The following FBXL17 variants were observed in gnomAD, a reference collection of about 807,000 sequenced individuals.
FBXL17 encodes the protein F-box/LRR-repeat protein 17.
FBXL17 carries 22 observed loss-of-function variants against 66.2 expected under a neutral mutation model. The ratio of observed to expected loss-of-function variants is 0.33; its 90% confidence interval spans 0.24 to 0.47. The LOEUF is 0.47. Among genes scored for constraint, FBXL17 ranks in the 20% least tolerant of loss-of-function variants. The pLI, the probability that FBXL17 is intolerant of heterozygous loss-of-function variation, is 1.00. For synonymous variants in FBXL17, 474 were observed against 400.5 expected (o/e 1.18, Z -2.19); for missense variants, 878 against 948.2 (o/e 0.93, Z 0.97).
At chr5:108,219,473 G>A (rs567221157) in intron 5 of FBXL17, among the ~76,000 whole-genome samples, 3 of 152,222 alleles carry the variant, frequency 2.0e-5, no homozygotes, top group African/African-American at 7.2e-5. Context: ...ATCACCTGAG[G>A]TCAGGAGTTC....
intron 4 of FBXL17, among the ~76,000 whole-genome samples, chr5:108,275,717 A>C (rs914879900): frequency 6.6e-6 from 1 of 152,212 alleles, no homozygotes; most frequent in African/African-American, 2.4e-5. Flanking sequence ...GAGAGACTTA[A>C]GTCTCTTGAC....
chr5:108,082,308 G>T (rs769417418), intron 6 of FBXL17, among the ~76,000 whole-genome samples: 1 of 152,058 alleles, frequency 6.6e-6, no homozygotes, highest in Non-Finnish European at 1.5e-5. Flanking sequence ...ATCTCAGCTA[G>T]ATCACTTCCT....
chr5:108,165,740 G>A (rs781573892), intron 6 of FBXL17, among the ~76,000 whole-genome samples: 3 of 152,140 alleles, frequency 2.0e-5, no homozygotes, highest in African/African-American at 7.2e-5. Context: ...ACAATTCTGA[G>A]TGTCTGTGGT....
At chr5:108,030,680 A>G (rs1203410047) in intron 6 of FBXL17, among the ~76,000 whole-genome samples, 2 of 152,136 alleles carry the variant, frequency 1.3e-5, no homozygotes, top group African/African-American at 4.8e-5. Flanking sequence ...CACTCCTTTC[A>G]AGTACCCAAC....
At chr5:107,956,702 G>A (rs189456102) in intron 7 of FBXL17, among the ~76,000 whole-genome samples, 28 of 152,230 alleles carry the variant, frequency 1.8e-4, no homozygotes, top group Non-Finnish European at 3.1e-4. Context: ...CTGGTCCACA[G>A]AATGTACCTC....
intron 6 of FBXL17, among the ~76,000 whole-genome samples, chr5:108,075,974 A>C (rs1186513015): frequency 6.6e-6 from 1 of 152,240 alleles, no homozygotes; most frequent in African/African-American, 2.4e-5. Context: ...AATGATCCCA[A>C]ATGTTTTTCA....
At chr5:108,061,708 T>C (rs1747931185) in intron 6 of FBXL17, among the ~76,000 whole-genome samples, 1 of 152,184 alleles carries the variant, frequency 6.6e-6, no homozygotes, top group African/African-American at 2.4e-5. Flanking sequence ...CTATTTCTAC[T>C]CTCCACAATT....
intron 1 of FBXL17, among the ~76,000 whole-genome samples, chr5:108,372,548 A>G (rs1473992457): frequency 2.0e-5 from 3 of 152,206 alleles, no homozygotes; most frequent in Admixed American, 1.3e-4. Context: ...AACTCGTGAA[A>G]AGGACACTCA....
chr5:107,895,563 C>T (rs1749350284), intron 7 of FBXL17, among the ~76,000 whole-genome samples: 1 of 152,154 alleles, frequency 6.6e-6, no homozygotes, highest in Non-Finnish European at 1.5e-5. Context: ...ACCCTTTAGA[C>T]ACAAGATCCA....
chr5:108,166,581 T>A (rs1417831505), intron 6 of FBXL17, among the ~76,000 whole-genome samples: 1 of 152,200 alleles, frequency 6.6e-6, no homozygotes, highest in East Asian at 1.9e-4. Context: ...TGATTTGATA[T>A]GTTAACAAAG....
chr5:108,097,785 G>GA (rs3040018), intron 6 of FBXL17, among the ~76,000 whole-genome samples: 23,077 of 143,530 alleles, frequency 0.16, 1,914 homozygotes, highest in African/African-American at 0.18. Context: ...CGAGACTCCA[G>GA]AAAAAAAAAA....
intron 6 of FBXL17, among the ~76,000 whole-genome samples, chr5:108,092,354 T>G (rs922166566): frequency 1.3e-5 from 2 of 152,196 alleles, no homozygotes; most frequent in African/African-American, 4.8e-5. Context: ...TTGCACAGGT[T>G]GGAGTGCAGT....
At chr5:108,008,201 C>T (rs1266102990) in intron 7 of FBXL17, among the ~76,000 whole-genome samples, 1 of 152,136 alleles carries the variant, frequency 6.6e-6, no homozygotes, top group African/African-American at 2.4e-5. Flanking sequence ...GCTTGATACC[C>T]TCATCCCTGT....
At chr5:107,938,501 T>C (rs1157275065) in intron 7 of FBXL17, among the ~76,000 whole-genome samples, 2 of 152,162 alleles carry the variant, frequency 1.3e-5, no homozygotes, top group Non-Finnish European at 1.5e-5. Flanking sequence ...TCAGAAGAAG[T>C]AGCATGAACT....
intron 3 of FBXL17, among the ~76,000 whole-genome samples, chr5:108,355,717 A>G (rs1005105428): frequency 5.3e-5 from 8 of 152,212 alleles, no homozygotes; most frequent in African/African-American, 1.9e-4. Flanking sequence ...AGTAAAAGAA[A>G]AAAAACCAAC....
rs529132660 is a variant in FBXL17, at chr5:108,020,650, G to C, written c.1822+275C>G. ...TTATTTTCATTGTATACCTCTTTTA[G>C]CTATACTTTTTAATTTTGTGTGAGT... On this transcript the variant is annotated intron_variant, in intron 7 of 8. Coordinates refer to ENST00000542267, the MANE Select transcript of FBXL17 (RefSeq NM_001163315.3). The C allele has an allele frequency of 2.9e-5, 7 of 240,600 alleles. No homozygotes were observed. In the East Asian group the frequency reaches 5.2e-4, roughly 18 times the overall value. 14.9% of individuals were successfully genotyped at this position (240,600 alleles called of 1,614,324 possible).
chr5:107,980,664 A>ATATATATATATTTTTTT, intron 7 of FBXL17, among the ~76,000 whole-genome samples: 1 of 62,076 alleles, frequency 1.6e-5, no homozygotes, highest in African/African-American at 1.0e-4. Context: ...ATATATATAT[A>ATATATATATATTTTTTT]TTTTTTTTTT....
chr5:108,170,439 A>G (rs1752564957), intron 6 of FBXL17, among the ~76,000 whole-genome samples: 1 of 152,244 alleles, frequency 6.6e-6, no homozygotes, highest in Non-Finnish European at 1.5e-5. Flanking sequence ...GAAGAATTTC[A>G]AAAATAAAGA....
At chr5:108,154,612 T>TATAG (rs1751904673) in intron 6 of FBXL17, among the ~76,000 whole-genome samples, 1 of 95,458 alleles carries the variant, frequency 1.0e-5, no homozygotes, top group African/African-American at 4.9e-5. Flanking sequence ...AAAAAATATA[T>TATAG]ATATACACAC....
Sources: gnomAD v4.1 joint callset for allele counts (sites outside exome capture counted in the v4.1 genomes callset) on GRCh38, gnomAD v4.1.1 for gene constraint, MANE v1.5 for transcripts, NCBI Gene and HGNC (gene_info 2026-07-23, HGNC 2026-07-21) for gene names.